The following TET1 variants were observed in gnomAD, a reference collection of about 807,000 sequenced individuals.
TET1 encodes the protein methylcytosine dioxygenase TET1.
In TET1, 13 loss-of-function variants were observed where a neutral mutation model predicts 148.7. The observed-to-expected ratio is 0.09, with a 90% CI of 0.06 to 0.14. The LOEUF (loss-of-function observed/expected upper bound fraction) is 0.14. Ranked by LOEUF, TET1 falls within the 10% of genes least tolerant of loss-of-function variation. The pLI is 1.00. For synonymous variants in TET1, 907 were observed against 937.2 expected, an observed-to-expected ratio of 0.97 and a Z score of 0.59; for missense variants, 2,182 against 2,553.8, an observed-to-expected ratio of 0.85 and a Z score of 3.14.
At chr10:68,616,224 G>T (rs1197161067) in intron 3 of TET1, among the ~76,000 whole-genome samples, 2 of 152,124 alleles carry the variant, frequency 1.3e-5, no homozygotes, top group Admixed American at 1.3e-4. Context: ...CTAATACCTT[G>T]TAATTCAGAC....
At chr10:68,690,765 A>T in intron 11 of TET1, 43 bp from the exon 12 acceptor site, 1 of 1,521,072 alleles carries the variant, frequency 6.6e-7, no homozygotes, top group East Asian at 2.3e-5. Flanking sequence ...ACCCCTACCA[A>T]AAGTAATTTG....
intron 2 of TET1, among the ~76,000 whole-genome samples, chr10:68,576,327 G>A (rs2053730442): frequency 2.0e-5 from 3 of 150,010 alleles, no homozygotes; most frequent in African/African-American, 7.4e-5. Context: ...CTCCAGCAGG[G>A]GCAACAGAGA....
At chr10:68,671,202 C>T (rs2055267825) in intron 7 of TET1, among the ~76,000 whole-genome samples, 1 of 152,126 alleles carries the variant, frequency 6.6e-6, no homozygotes, top group Non-Finnish European at 1.5e-5. Flanking sequence ...GTCTTCCCAC[C>T]CTCCATCCTC....
chr10:68,669,253 A>C (rs201641004), intron 7 of TET1, among the ~76,000 whole-genome samples: 1 of 6,664 alleles, frequency 1.5e-4, no homozygotes, highest in Non-Finnish European at 3.5e-3. Context: ...CACCCCCCAC[A>C]AAAAAAAAAC....
chr10:68,624,445 A>G (rs1453732399), intron 3 of TET1, among the ~76,000 whole-genome samples: 1 of 151,892 alleles, frequency 6.6e-6, no homozygotes, highest in African/African-American at 2.4e-5. Flanking sequence ...ATGCGCCACC[A>G]CACCCAGCTA....
chr10:68,580,517 T>A (rs1181076251), intron 2 of TET1, among the ~76,000 whole-genome samples: 1 of 150,224 alleles, frequency 6.7e-6, no homozygotes, highest in Non-Finnish European at 1.5e-5. Flanking sequence ...CGGTGGCTCA[T>A]GCCTGTAATC....
At chr10:68,680,002 C>T (rs571831414) in intron 8 of TET1, among the ~76,000 whole-genome samples, 2 of 152,232 alleles carry the variant, frequency 1.3e-5, no homozygotes, top group African/African-American at 4.8e-5. Context: ...ACTACAACGG[C>T]TAAGATAAAA....
chr10:68,567,909 C>T (rs1590154067), intron 1 of TET1, among the ~76,000 whole-genome samples: 1 of 152,158 alleles, frequency 6.6e-6, no homozygotes, highest in Admixed American at 6.5e-5. Context: ...GGAGTTCCTA[C>T]ACCATGAGAT....
intron 3 of TET1, among the ~76,000 whole-genome samples, chr10:68,638,574 T>C (rs543112702): frequency 2.0e-5 from 3 of 151,914 alleles, no homozygotes; most frequent in Non-Finnish European, 4.4e-5. Context: ...GAGGGAATGG[T>C]TATTGGTGAA....
chr10:68,665,971 C>T (rs1327118528), intron 6 of TET1, among the ~76,000 whole-genome samples: 1 of 152,124 alleles, frequency 6.6e-6, no homozygotes, highest in Non-Finnish European at 1.5e-5. Context: ...CTATTGGTTG[C>T]TCCATTCTGG....
intron 3 of TET1, among the ~76,000 whole-genome samples, chr10:68,610,763 C>G (rs2132920121): frequency 6.6e-6 from 1 of 151,796 alleles, no homozygotes; most frequent in East Asian, 2.0e-4. Context: ...ATCAATTGAT[C>G]TTTTACTTCA....
chr10:68,689,396 T>C lies in TET1; in HGVS notation c.5405-1412T>C, dbSNP rs118082371. Among the ~76,000 whole-genome samples, 49 of 152,290 alleles carry C rather than the reference T, an allele frequency of 3.2e-4. No individual in the cohort carries two copies. The East Asian group carries it at 9.5e-3, about 29-fold the overall frequency. On this transcript the variant is annotated intron_variant, in intron 11 of 11. Transcript: ENST00000373644. ...GATTTGCTGGTTTTGCACTTCCAAATAGTTTTTTAGAAGTTCACAACAGGG... is the reference window on the plus strand; with the variant it reads ...GATTTGCTGGTTTTGCACTTCCAAACAGTTTTTTAGAAGTTCACAACAGGG...
intron 4 of TET1, 70 bp downstream of exon 4, chr10:68,647,075 C>T (rs1349519608): frequency 1.4e-6 from 2 of 1,452,134 alleles, no homozygotes; most frequent in Non-Finnish European, 1.9e-6. Context: ...GAAGCAAATT[C>T]TGATTCATCT....
chr10:68,585,738 C>T (rs906128808), intron 2 of TET1, among the ~76,000 whole-genome samples: 8 of 152,008 alleles, frequency 5.3e-5, no homozygotes, highest in South Asian at 2.1e-4. Flanking sequence ...GGGCCGGGCA[C>T]GGTGGCGCAC....
chr10:68,603,664 A>G (rs1216881102), intron 3 of TET1, among the ~76,000 whole-genome samples: 1 of 152,080 alleles, frequency 6.6e-6, no homozygotes, highest in Non-Finnish European at 1.5e-5. Context: ...CTAGCTACTC[A>G]GGAGGCTGAG....
Position 68,573,070 on chromosome 10 carries a change from T to A in TET1, c.732T>A (p.Ala244=), listed in dbSNP as rs753892958. ...NDTSGSPKMF[A]QDTVCAPFPQ... ...CCAGTGGTTCCCCAAAAATGTTTGC[T>A]CAGGACACAGTGTGTGCTCCTTTTC... Residue 244 remains alanine (A), a synonymous_variant, in exon 2 of 12, where the codon GCT becomes GCA. Coordinates refer to ENST00000373644, the MANE Select transcript of TET1 (RefSeq NM_030625.3). 4 of 1,614,142 alleles carry A rather than the reference T, an allele frequency of 2.5e-6. No individual in the cohort carries two copies. Among genetic ancestry groups the A allele is most frequent in the Non-Finnish European group, 3.4e-6 (4 of 1,180,026 alleles).
At chr10:68,652,744 A>C in intron 6 of TET1, 150 bp downstream of exon 6, 1 of 524,130 alleles carries the variant, frequency 1.9e-6, no homozygotes, top group Non-Finnish European at 3.2e-6. Flanking sequence ...GCTGGATTGC[A>C]GTGGTGCAAT....
chr10:68,626,688 T>C (rs1270053083), intron 3 of TET1, among the ~76,000 whole-genome samples: 5 of 151,778 alleles, frequency 3.3e-5, no homozygotes, highest in African/African-American at 1.2e-4. Context: ...GTAGCTGGGA[T>C]TATAGGTATG....
rs770375775 is a variant in TET1, at chr10:68,667,244, C to T, written c.4661C>T (p.Thr1554Ile). 6.2e-7 allele frequency: 1 copy of T among 1,612,402 alleles called. No individual in the cohort carries two copies. The highest frequency in any genetic ancestry group is 1.1e-5 in the South Asian group (1 of 90,782). Residue 1554 changes from threonine to isoleucine, a missense_variant, in exon 7 of 12, where the codon ACC becomes ATC. Thr to Ile is a moderately conservative substitution (Grantham distance 89). This residue lies in a region of TET1 where 169 missense variants were observed against 263.7 expected (regional missense o/e 0.64). Transcript: ENST00000373644. ...YNGHPTDRRC[T>I]LNENRTCTCQ... ...GGGCACCCTACCGACAGAAGATGCACCCTCAATGAAAAGTAATTAAATCTG... is the reference window on the plus strand; with the variant it reads ...GGGCACCCTACCGACAGAAGATGCATCCTCAATGAAAAGTAATTAAATCTG...
Sources: gnomAD v4.1 joint callset for allele counts (sites outside exome capture counted in the v4.1 genomes callset) on GRCh38, gnomAD v4.1.1 for gene constraint, gnomAD v4.1.1 regional missense constraint, MANE v1.5 for transcripts, NCBI Gene and HGNC (gene_info 2026-07-23, HGNC 2026-07-21) for gene names.